Variants in PPP2R1A observed in about 807,000 individuals in gnomAD.
The protein encoded by PPP2R1A is protein phosphatase 2 scaffold subunit Aalpha.
A neutral mutation model predicts 67.1 loss-of-function variants in PPP2R1A; 15 were observed. That is an observed-to-expected ratio of 0.22 (90% CI 0.15 to 0.34). The LOEUF (loss-of-function observed/expected upper bound fraction) is 0.34, where lower values mean the gene tolerates loss of function less well. Ranked by LOEUF, PPP2R1A falls within the 10% of genes least tolerant of loss-of-function variation. The pLI is 1.00. For missense variants in PPP2R1A, 369 were observed against 775.0 expected (o/e 0.48, Z 6.22); for synonymous variants, 337 against 325.0 (o/e 1.04, Z -0.40).
At chr19:52,205,897 G>T (rs2089596820) in intron 2 of PPP2R1A, 66 bp from the exon 3 acceptor site, 1 of 1,349,060 alleles carries the variant, frequency 7.4e-7, no homozygotes, top group Admixed American at 1.7e-5. Flanking sequence ...GAGTCCATGT[G>T]TTCTGAGCTT....
At chr19:52,215,615 C>G (rs1451145661) in intron 6 of PPP2R1A, among the ~76,000 whole-genome samples, 164 bp from the exon 7 acceptor site, 1 of 152,196 alleles carries the variant, frequency 6.6e-6, no homozygotes, top group African/African-American at 2.4e-5. Flanking sequence ...GGTGAAGAGC[C>G]TTGCCCCGGG....
At chr19:52,204,561 G>A (rs2089583727) in intron 2 of PPP2R1A, among the ~76,000 whole-genome samples, 1 of 152,210 alleles carries the variant, frequency 6.6e-6, no homozygotes, top group Non-Finnish European at 1.5e-5. Flanking sequence ...CCAGGTGTTT[G>A]GCCTTCAGCA....
chr19:52,201,730 T>C, intron 1 of PPP2R1A: 1 of 551,966 alleles, frequency 1.8e-6, no homozygotes, highest in South Asian at 2.1e-5. Flanking sequence ...AGGGATGCTT[T>C]TGCATTTGTT....
Position 52,208,099 on chromosome 19 carries a change from C to G in PPP2R1A, c.270+2036C>G, listed in dbSNP as rs373455302. On this transcript the variant is annotated intron_variant, in intron 3 of 14. Coordinates refer to ENST00000322088, the MANE Select transcript of PPP2R1A (RefSeq NM_014225.6). The stretch of plus-strand genomic sequence containing the variant: ...GTCAGACCCACTCCCGGCCCTTGCT[C>G]TCAGCAGTGGTGAAATGGAATTAAT... 1.1e-3 allele frequency among the ~76,000 whole-genome samples: 160 copies of G among 152,320 alleles called. 2 individuals are homozygous for G. The highest frequency in any genetic ancestry group is 3.7e-3 in the African/African-American group (155 of 41,544).
At chr19:52,201,860 G>A (rs1260084572) in intron 1 of PPP2R1A, 84 bp from the exon 2 acceptor site, 2 of 1,294,262 alleles carry the variant, frequency 1.5e-6, no homozygotes, top group South Asian at 1.2e-5. Context: ...GGCTTCCAGG[G>A]GCTGACTGGG....
intron 1 of PPP2R1A, among the ~76,000 whole-genome samples, chr19:52,195,586 T>C (rs1038661258): frequency 3.3e-5 from 5 of 152,216 alleles, no homozygotes; most frequent in African/African-American, 1.2e-4. Context: ...TCGTCAGAAC[T>C]TCTGATCTAC....
chr19:52,211,056 CCTT>C lies in PPP2R1A; in HGVS notation c.271-201_271-199del, dbSNP rs1182545095. On this transcript the variant is annotated intron_variant, in intron 3 of 14. Coordinates refer to ENST00000322088, the MANE Select transcript of PPP2R1A (RefSeq NM_014225.6). The surrounding 1 kb of genome is among the most constrained non-coding windows in gnomAD (Gnocchi z 5.3). ...TTTGTGGAAGGCACGCTGACAGAGA[CCTT>C]CTGCTGGCTGGCATAATATTACGTT... 6.6e-6 allele frequency among the ~76,000 whole-genome samples: 1 copy of C among 152,228 alleles called. No homozygotes were observed. Among genetic ancestry groups the C allele is most frequent in the Non-Finnish European group, 1.5e-5 (1 of 68,040 alleles).
chr19:52,190,685 A>G (rs1036605289), intron 1 of PPP2R1A, among the ~76,000 whole-genome samples: 4 of 152,084 alleles, frequency 2.6e-5, no homozygotes, highest in African/African-American at 9.7e-5. Flanking sequence ...TCCGCCTCTC[A>G]TTTTGGTTTA....
chr19:52,222,462 A>G, intron 13 of PPP2R1A: 1 of 517,888 alleles, frequency 1.9e-6, no homozygotes, highest in Non-Finnish European at 3.2e-6. Flanking sequence ...AGTCCTGTAT[A>G]CTAGCAACAA....
intron 9 of PPP2R1A, among the ~76,000 whole-genome samples, chr19:52,218,647 A>G (rs1978729338): frequency 6.6e-6 from 1 of 152,166 alleles, no homozygotes; most frequent in Admixed American, 6.5e-5. Flanking sequence ...TGATGCTTTA[A>G]TGGGCATAAT....
At chr19:52,195,477 C>A (rs983223848) in intron 1 of PPP2R1A, among the ~76,000 whole-genome samples, 4 of 152,180 alleles carry the variant, frequency 2.6e-5, no homozygotes, top group Non-Finnish European at 4.4e-5. Context: ...TCCTCCAATT[C>A]AGTTCAGACA....
chr19:52,216,633 G>A lies in PPP2R1A; in HGVS notation c.1098G>A (p.Leu366=). The A allele has an allele frequency of 6.2e-7, 1 of 1,614,122 alleles. No homozygotes were observed. Among genetic ancestry groups the A allele is most frequent in the Admixed American group, 1.7e-5 (1 of 60,018 alleles). ...AAGACAACACCATCGAGCACCTCTT[G>A]CCCCTCTTCCTGGCTCAGCTGAAGG... The part of the protein sequence containing the change: ...LGKDNTIEHL[L]PLFLAQLKDE... The change falls in exon 9 of 15, where the codon TTG becomes TTA. Residue 366 remains leucine, a synonymous_variant. Coordinates refer to ENST00000322088, the MANE Select transcript of PPP2R1A (RefSeq NM_014225.6). This position sits in a 1 kb window ranked among gnomAD's most constrained non-coding sequence, Gnocchi z 4.3.
At position 52,220,204 on chromosome 19, in the gene PPP2R1A, G is replaced by A; in HGVS notation, c.1318G>A (p.Asp440Asn). 1.2e-6 allele frequency: 2 copies of A among 1,614,058 alleles called. No homozygotes were observed. The highest frequency in any genetic ancestry group is 1.7e-6 in the Non-Finnish European group (2 of 1,179,994). Residue 440 changes from aspartate (D) to asparagine (N), a missense_variant, in exon 11 of 15, where the codon GAT becomes AAT. Asp to Asn is a conservative substitution (Grantham distance 23, BLOSUM62 1). Around this residue, in one of 2 missense-constraint regions of PPP2R1A, gnomAD observed 276 missense variants for 508.4 expected, o/e 0.54. Coordinates refer to ENST00000322088, the MANE Select transcript of PPP2R1A (RefSeq NM_014225.6). ...LAGQLGVEFF[D>N]EKLNSLCMAW... is the part of the protein sequence containing the mutation. ...TCTCCTGTAGGGAGTGGAGTTCTTT[G>A]ATGAGAAACTTAACTCCTTGTGCAT...
rs1003049360 is a variant in PPP2R1A, at chr19:52,197,026, C to A, written c.79-4918C>A. Among the ~76,000 whole-genome samples the A allele has an allele frequency of 1.8e-3, 268 of 152,252 alleles. 1 individual carries two copies. The highest frequency in any genetic ancestry group is 6.2e-3 in the African/African-American group (259 of 41,536). ...AGGGGTCATGTGTACAGCTGAAAAC[C>A]AAGGATTATGAACAGCAGTATAGCC... is the stretch of plus-strand genomic sequence containing the variant. On this transcript the variant is annotated intron_variant, in intron 1 of 14. Coordinates refer to ENST00000322088, the MANE Select transcript of PPP2R1A (RefSeq NM_014225.6).
In PPP2R1A at chr19:52,211,644, G is replaced by C. The variant is rs997342141; in HGVS notation, c.503+152G>C. 27 of 764,798 alleles carry C rather than the reference G, an allele frequency of 3.5e-5. No homozygotes were observed. Among genetic ancestry groups the C allele is most frequent in the Non-Finnish European group, 5.2e-5 (25 of 484,152 alleles). The allele number at this position is 764,798 out of a possible 1,614,324, so 47.4% of individuals were successfully genotyped here. A position where few individuals can be genotyped will look rare whatever the true frequency, so the allele number is the denominator to read the frequency against. ...TTACCACCTGATAGGCCACATCCTCGAGAGTTGGTCTCTGGACACGGCCAC... is the reference window on the plus strand; with the variant it reads ...TTACCACCTGATAGGCCACATCCTCCAGAGTTGGTCTCTGGACACGGCCAC... On this transcript the variant is annotated intron_variant, in intron 4 of 14. Transcript: ENST00000322088. The surrounding 1 kb of genome is among the most constrained non-coding windows in gnomAD (Gnocchi z 5.3).
intron 12 of PPP2R1A, among the ~76,000 whole-genome samples, 164 bp downstream of exon 12, chr19:52,221,297 G>T (rs903663220): frequency 6.6e-6 from 1 of 152,198 alleles, no homozygotes; most frequent in Admixed American, 6.5e-5. Context: ...AGGCAAGGGG[G>T]TGGGGCTCCC....
At chr19:52,208,206 C>T (rs1241776875) in intron 3 of PPP2R1A, among the ~76,000 whole-genome samples, 3 of 152,156 alleles carry the variant, frequency 2.0e-5, no homozygotes, top group African/African-American at 4.8e-5. Context: ...TTCACTCTTG[C>T]TGCACAGGCT....
intron 1 of PPP2R1A, 125 bp downstream of exon 1, chr19:52,190,299 G>T (rs2089440818): frequency 8.9e-7 from 1 of 1,123,668 alleles, no homozygotes; most frequent in Non-Finnish European, 1.3e-6. Flanking sequence ...ATCAGCGTGC[G>T]TCTCTTATCT....
rs866218567 is a variant in PPP2R1A at position 52,213,996 on chromosome 19, A to G, written c.807+886A>G. On this transcript the variant is annotated intron_variant, in intron 6 of 14. Transcript: ENST00000322088. This position sits in a 1 kb window ranked among gnomAD's most constrained non-coding sequence, Gnocchi z 4.2. ...CATGGAGCTAGGCAGTCTGAAGGGG[A>G]AGACTGACTTAGGGGAAATTTGATT... 9.2e-5 allele frequency among the ~76,000 whole-genome samples: 14 copies of G among 152,070 alleles called. No individual in the cohort carries two copies. Among genetic ancestry groups the G allele is most frequent in the Admixed American group, 4.6e-4 (7 of 15,256 alleles).
Sources: allele counts gnomAD v4.1 joint callset (sites outside exome capture counted in the v4.1 genomes callset), GRCh38; gene constraint gnomAD v4.1.1; regional missense constraint gnomAD v4.1.1; non-coding constraint Gnocchi (gnomAD v3.1); transcripts MANE v1.5; gene names NCBI Gene and HGNC (gene_info 2026-07-23, HGNC 2026-07-21).